Variants in ROBO1 observed in about 807,000 individuals in gnomAD.
ROBO1 encodes roundabout guidance receptor 1, also known as roundabout homolog 1.
ROBO1 carries 149 observed loss-of-function variants against 195.9 expected under a neutral mutation model. The observed-to-expected ratio is 0.76, with a 90% CI of 0.67 to 0.87. The LOEUF (loss-of-function observed/expected upper bound fraction) is 0.87, where lower values mean the gene tolerates loss of function less well. ROBO1 is among the 40% of genes least tolerant of loss of function. The pLI is 0.00. For synonymous variants in ROBO1, 816 were observed against 733.2 expected, an observed-to-expected ratio of 1.11 and a Z score of -1.82; for missense variants, 1,933 against 2,068.3, an observed-to-expected ratio of 0.93 and a Z score of 1.27.
intron 2 of ROBO1, among the ~76,000 whole-genome samples, chr3:79,282,521 T>C (rs142089436): frequency 2.2e-3 from 332 of 152,326 alleles, no homozygotes; most frequent in African/African-American, 7.5e-3. Context: ...CAAATGAATT[T>C]GTAAAACATT....
intron 4 of ROBO1, among the ~76,000 whole-genome samples, chr3:78,868,403 G>T: frequency 6.6e-6 from 1 of 151,780 alleles, no homozygotes; most frequent in East Asian, 1.9e-4. Flanking sequence ...TACCAAAAAA[G>T]TTGACATTAC....
chr3:79,004,342 C>G (rs1031843309), intron 3 of ROBO1, among the ~76,000 whole-genome samples: 3 of 152,120 alleles, frequency 2.0e-5, no homozygotes, highest in South Asian at 4.1e-4. Flanking sequence ...TAACTCCTGT[C>G]AAAGCAAAGT....
intron 3 of ROBO1, among the ~76,000 whole-genome samples, chr3:78,949,093 A>T (rs2107759611): frequency 7.0e-6 from 1 of 143,286 alleles, no homozygotes; most frequent in East Asian, 2.0e-4. Flanking sequence ...GCCCAAGGTA[A>T]TTTATAGATT....
At chr3:79,306,594 CA>C (rs1224307334) in intron 2 of ROBO1, among the ~76,000 whole-genome samples, 1 of 152,168 alleles carries the variant, frequency 6.6e-6, no homozygotes, top group Non-Finnish European at 1.5e-5. Flanking sequence ...AAGTGCTCCG[CA>C]AGCACAGCCA....
chr3:78,951,697 A>G (rs1304198119), intron 3 of ROBO1, among the ~76,000 whole-genome samples: 1 of 152,158 alleles, frequency 6.6e-6, no homozygotes, highest in East Asian at 1.9e-4. Flanking sequence ...ACAACTGCCC[A>G]GTTGGAAGAT....
At chr3:79,704,639 G>A (rs981612992) in intron 1 of ROBO1, among the ~76,000 whole-genome samples, 4 of 151,974 alleles carry the variant, frequency 2.6e-5, no homozygotes, top group Non-Finnish European at 4.4e-5. Flanking sequence ...TAAAGATGCT[G>A]TAAATATTCA....
intron 2 of ROBO1, among the ~76,000 whole-genome samples, chr3:79,153,255 G>A (rs949018920): frequency 2.0e-5 from 3 of 151,658 alleles, no homozygotes; most frequent in African/African-American, 7.3e-5. Context: ...AGGCTTAGTC[G>A]CTTAACCCTA....
intron 2 of ROBO1, among the ~76,000 whole-genome samples, chr3:79,206,108 G>C (rs1428019418): frequency 2.0e-5 from 3 of 152,134 alleles, no homozygotes; most frequent in Admixed American, 2.0e-4. Context: ...GTAGCATGAT[G>C]AGATCTCATG....
chr3:78,738,403 G>C (rs2108234401), intron 5 of ROBO1, among the ~76,000 whole-genome samples: 2 of 152,166 alleles, frequency 1.3e-5, no homozygotes, highest in Middle Eastern at 3.4e-3. Flanking sequence ...TTGGTTTATT[G>C]GTTTTGTTTT....
At chr3:78,887,537 C>T (rs1027570684) in intron 4 of ROBO1, among the ~76,000 whole-genome samples, 1 of 152,086 alleles carries the variant, frequency 6.6e-6, no homozygotes, top group African/African-American at 2.4e-5. Context: ...TCACATATTT[C>T]AGAAAAACAA....
chr3:78,692,928 G>C (rs1428340596), intron 8 of ROBO1: 1 of 157,764 alleles, frequency 6.3e-6, no homozygotes, highest in African/African-American at 2.4e-5. Flanking sequence ...TAGAACAATA[G>C]TTATAAAAAC....
At chr3:79,008,848 C>G (rs1053975598) in intron 3 of ROBO1, among the ~76,000 whole-genome samples, 1 of 148,382 alleles carries the variant, frequency 6.7e-6, no homozygotes, top group Non-Finnish European at 1.5e-5. Flanking sequence ...CTCAATCTCC[C>G]GAAGTACTAA....
chr3:78,840,490 C>T (rs943060288), intron 4 of ROBO1, among the ~76,000 whole-genome samples: 3 of 152,120 alleles, frequency 2.0e-5, no homozygotes, highest in Non-Finnish European at 2.9e-5. Context: ...TTTCTTACAA[C>T]AATCTTCTGA....
intron 3 of ROBO1, among the ~76,000 whole-genome samples, chr3:79,026,547 T>C (rs76103072): frequency 0.052 from 7,916 of 152,094 alleles, 301 homozygotes; most frequent in Middle Eastern, 0.088. Context: ...TTCAAAGTGG[T>C]TTCATGTTTC....
At chr3:79,726,250 A>T (rs909078631) in intron 1 of ROBO1, among the ~76,000 whole-genome samples, 2 of 152,196 alleles carry the variant, frequency 1.3e-5, no homozygotes, top group African/African-American at 4.8e-5. Context: ...TTGTGAAAGG[A>T]TGTTCTGGCT....
At chr3:79,753,028 G>C (rs1343441864) in intron 1 of ROBO1, among the ~76,000 whole-genome samples, 3 of 151,958 alleles carry the variant, frequency 2.0e-5, no homozygotes, top group Non-Finnish European at 4.4e-5. Flanking sequence ...CATTTGGGTG[G>C]GAATGAGGGC....
At chr3:79,126,928 T>C (rs1013538765) in intron 2 of ROBO1, among the ~76,000 whole-genome samples, 3 of 152,010 alleles carry the variant, frequency 2.0e-5, no homozygotes, top group Admixed American at 2.0e-4. Flanking sequence ...TGCGGCATAT[T>C]TCCCCCCCTA....
intron 2 of ROBO1, among the ~76,000 whole-genome samples, chr3:79,203,915 G>A (rs1317213111): frequency 1.3e-5 from 2 of 151,856 alleles, no homozygotes; most frequent in African/African-American, 4.8e-5. Flanking sequence ...AATGCCACCC[G>A]CTACTCAGGA....
chr3:78,917,958 C>T (rs1016025532), intron 4 of ROBO1, among the ~76,000 whole-genome samples: 8 of 152,122 alleles, frequency 5.3e-5, no homozygotes, highest in South Asian at 2.1e-4. Flanking sequence ...GAAGCTACTA[C>T]GACACAGAAC....
Sources: allele counts gnomAD v4.1 joint callset (sites outside exome capture counted in the v4.1 genomes callset), GRCh38; gene constraint gnomAD v4.1.1; transcripts MANE v1.5; gene names NCBI Gene and HGNC (gene_info 2026-07-23, HGNC 2026-07-21).